DDR2: variants seen among roughly 807,000 people sequenced by gnomAD.
DDR2 encodes the protein discoidin domain receptor tyrosine kinase 2.
DDR2 carries 27 observed loss-of-function variants against 94.9 expected under a neutral mutation model. That is an observed-to-expected ratio of 0.28 (90% CI 0.21 to 0.39). The LOEUF (loss-of-function observed/expected upper bound fraction) is 0.39. Among genes scored for constraint, DDR2 ranks in the 10% least tolerant of loss-of-function variants. DDR2 has a pLI of 1.00. For synonymous variants in DDR2, 382 were observed against 377.2 expected (o/e 1.01, Z -0.15); for missense variants, 783 against 1,076.0 (o/e 0.73, Z 3.81).
intron 1 of DDR2, among the ~76,000 whole-genome samples, chr1:162,651,986 T>C (rs959503116): frequency 6.6e-6 from 1 of 152,210 alleles, no homozygotes; most frequent in African/African-American, 2.4e-5. Flanking sequence ...CCGACTGGCT[T>C]CGCTACATCA....
intron 2 of DDR2, among the ~76,000 whole-genome samples, chr1:162,715,910 G>T (rs775945002): frequency 1.3e-5 from 2 of 152,114 alleles, no homozygotes; most frequent in African/African-American, 2.4e-5. Context: ...TTGGAGATTC[G>T]CAGCTTGAAG....
intron 3 of DDR2, among the ~76,000 whole-genome samples, chr1:162,741,972 C>G (rs1004598626): frequency 6.6e-6 from 1 of 152,170 alleles, no homozygotes; most frequent in African/African-American, 2.4e-5. Context: ...TTGATCTCAT[C>G]CATTGGAAAT....
chr1:162,773,451 TA>T lies in DDR2; in HGVS notation c.1729-17del. 6.2e-7 allele frequency: 1 copy of T among 1,613,024 alleles called. No homozygotes were observed. On this transcript the variant is annotated splice_polypyrimidine_tract_variant and intron_variant, in intron 13 of 17. Transcript: ENST00000367921. ...TCAGGAGAAATGATGATGCTGAGAC[TA>T]GATGACTTTTGTCTAGGTTCATCTC...
chr1:162,696,415 C>T (rs1660194036), intron 2 of DDR2, among the ~76,000 whole-genome samples: 1 of 151,780 alleles, frequency 6.6e-6, no homozygotes, highest in South Asian at 2.1e-4. Flanking sequence ...GCCCCCCTCT[C>T]AGGCCTCTGG....
At chr1:162,766,158 G>C in intron 10 of DDR2, 95 bp downstream of exon 10, 2 of 1,342,782 alleles carry the variant, frequency 1.5e-6, no homozygotes, top group East Asian at 2.3e-5. Flanking sequence ...TGTGTGGGAG[G>C]CTTTACACCA....
chr1:162,726,743 T>C (rs1221457592), intron 3 of DDR2, among the ~76,000 whole-genome samples: 1 of 151,954 alleles, frequency 6.6e-6, no homozygotes, highest in East Asian at 1.9e-4. Context: ...GGCTCTCGTG[T>C]GGAAAGACTA....
At chr1:162,749,889 A>G (rs1006844737) in intron 3 of DDR2, among the ~76,000 whole-genome samples, 1 of 152,206 alleles carries the variant, frequency 6.6e-6, no homozygotes, top group African/African-American at 2.4e-5. Flanking sequence ...CCGTCATATA[A>G]ACAGAACCAA....
chr1:162,719,396 T>C (rs1661311320), intron 3 of DDR2, among the ~76,000 whole-genome samples: 1 of 152,180 alleles, frequency 6.6e-6, no homozygotes, highest in Admixed American at 6.6e-5. Flanking sequence ...TAAGAGGGCA[T>C]TTTAAAAAAT....
chr1:162,635,379 C>G (rs1656764722), intron 1 of DDR2, among the ~76,000 whole-genome samples: 1 of 152,160 alleles, frequency 6.6e-6, no homozygotes, highest in Admixed American at 6.5e-5. Context: ...TTCCCAAGCT[C>G]CCTTACAAGA....
In DDR2 at chr1:162,761,405, C is replaced by A. The variant is rs769860361; in HGVS notation, c.1050C>A (p.Tyr350Ter). 1.2e-6 allele frequency: 2 copies of A among 1,614,178 alleles called. No individual in the cohort carries two copies. Among genetic ancestry groups the A allele is most frequent in the Non-Finnish European group, 1.7e-6 (2 of 1,180,018 alleles). The change falls in exon 9 of 18, where the codon TAC becomes TAA. Residue 350 changes from tyrosine (Y) to a stop codon, truncating the protein, a stop_gained. Transcript: ENST00000367921. LOFTEE classifies it high-confidence loss of function. ...HRMASAIKCQYHFADTWMMFS... is the reference protein window; with the variant it reads ...HRMASAIKCQ ...TGGCCAGTGCCATCAAGTGTCAATA[C>A]CATTTTGCAGATACCTGGATGATGT...
chr1:162,669,241 A>T (rs981247390), intron 2 of DDR2, among the ~76,000 whole-genome samples: 5 of 152,208 alleles, frequency 3.3e-5, no homozygotes, highest in African/African-American at 1.2e-4. Context: ...ACTATAACCG[A>T]ATATAACAAC....
intron 4 of DDR2, among the ~76,000 whole-genome samples, chr1:162,753,688 T>G (rs1663323362): frequency 6.6e-6 from 1 of 152,080 alleles, no homozygotes; most frequent in African/African-American, 2.4e-5. Flanking sequence ...CAAGGATCTC[T>G]TACACAGAAG....
intron 9 of DDR2, among the ~76,000 whole-genome samples, chr1:162,765,223 A>G (rs1663932647): frequency 6.6e-6 from 1 of 152,134 alleles, no homozygotes; most frequent in Admixed American, 6.5e-5. Flanking sequence ...TGAGCTTTAA[A>G]TCCAATGCAT....
intron 2 of DDR2, among the ~76,000 whole-genome samples, chr1:162,658,453 C>T (rs896579892): frequency 6.6e-6 from 1 of 152,104 alleles, no homozygotes; most frequent in African/African-American, 2.4e-5. Context: ...AGCTCAGGAT[C>T]AGTGTTCAAC....
intron 2 of DDR2, among the ~76,000 whole-genome samples, chr1:162,690,817 G>C (rs1015279117): frequency 2.0e-5 from 3 of 152,162 alleles, no homozygotes; most frequent in Non-Finnish European, 2.9e-5. Flanking sequence ...CTGGCCCTCT[G>C]AGCCCTGGGC....
chr1:162,632,900 G>C (rs1656629613), intron 1 of DDR2, among the ~76,000 whole-genome samples: 1 of 152,184 alleles, frequency 6.6e-6, no homozygotes, highest in African/African-American at 2.4e-5. Context: ...ATCTATAGCA[G>C]CTGCAAGATA....
At chr1:162,772,852 AC>A (rs1254895824) in intron 13 of DDR2, among the ~76,000 whole-genome samples, 8 of 152,198 alleles carry the variant, frequency 5.3e-5, no homozygotes, top group South Asian at 2.1e-4. Context: ...GGAACTCTTC[AC>A]CACTGCCGTC....
intron 7 of DDR2, among the ~76,000 whole-genome samples, chr1:162,757,219 A>G (rs1247629631): frequency 6.6e-6 from 1 of 152,204 alleles, no homozygotes; most frequent in African/African-American, 2.4e-5. Flanking sequence ...TGTGAAAAGC[A>G]TTTCGTAAGA....
At chr1:162,757,504 A>T (rs1663518522) in intron 7 of DDR2, among the ~76,000 whole-genome samples, 1 of 152,226 alleles carries the variant, frequency 6.6e-6, no homozygotes, top group Non-Finnish European at 1.5e-5. Flanking sequence ...GTGCAGGAGA[A>T]GCAAAACAAA....
Sources: allele counts gnomAD v4.1 joint callset (sites outside exome capture counted in the v4.1 genomes callset), GRCh38; gene constraint gnomAD v4.1.1; transcripts MANE v1.5; gene names NCBI Gene and HGNC (gene_info 2026-07-23, HGNC 2026-07-21).